TDRD3: variants seen among roughly 807,000 people sequenced by gnomAD.
TDRD3 encodes tudor domain containing 3.
TDRD3 carries 45 observed loss-of-function variants against 86.7 expected under a neutral mutation model. The observed-to-expected ratio is 0.52, with a 90% CI of 0.41 to 0.67. The LOEUF (loss-of-function observed/expected upper bound fraction) is 0.67, where lower values mean the gene tolerates loss of function less well. Among genes scored for constraint, TDRD3 ranks in the 30% least tolerant of loss-of-function variants. The pLI is 0.00. For synonymous variants in TDRD3, 298 were observed against 301.7 expected, an observed-to-expected ratio of 0.99 and a Z score of 0.13; for missense variants, 814 against 889.0, an observed-to-expected ratio of 0.92 and a Z score of 1.07.
intron 10 of TDRD3, among the ~76,000 whole-genome samples, chr13:60,521,228 C>T (rs1002547724): frequency 6.6e-6 from 1 of 152,174 alleles, no homozygotes; most frequent in Non-Finnish European, 1.5e-5. Context: ...TTCAATCTTG[C>T]ACCCTTAGCT....
intron 10 of TDRD3, among the ~76,000 whole-genome samples, chr13:60,522,073 A>C (rs568808704): frequency 7.2e-4 from 110 of 152,254 alleles, no homozygotes; most frequent in African/African-American, 2.5e-3. Flanking sequence ...TAGCATTTTT[A>C]ATATAGAAAA....
At chr13:60,443,949 T>C (rs1955341478) in intron 2 of TDRD3, among the ~76,000 whole-genome samples, 1 of 151,976 alleles carries the variant, frequency 6.6e-6, no homozygotes, top group African/African-American at 2.4e-5. Context: ...CCTTTATATT[T>C]TCACTTTCTA....
At chr13:60,510,861 G>A (rs1357711249) in intron 10 of TDRD3, 106 bp downstream of exon 10, 9 of 1,112,772 alleles carry the variant, frequency 8.1e-6, no homozygotes, top group African/African-American at 1.7e-5. Flanking sequence ...TAGAATTGTA[G>A]TGTAAAACAA....
chr13:60,465,560 G>A (rs1002690326), intron 4 of TDRD3, among the ~76,000 whole-genome samples: 2 of 152,174 alleles, frequency 1.3e-5, no homozygotes, highest in South Asian at 2.1e-4. Flanking sequence ...TATTGAGATA[G>A]CATTGGTGTA....
rs1244295138 is a variant in TDRD3, at chr13:60,460,492, G to T, written c.305G>T (p.Gly102Val). 6.3e-7 allele frequency: 1 copy of T among 1,581,118 alleles called. No individual in the cohort carries two copies. The highest frequency in any genetic ancestry group is 2.3e-5 in the East Asian group (1 of 42,914). The change falls in exon 4 of 14, where the codon GGT (glycine) becomes GTT (valine). Residue 102 changes from glycine (G) to valine (V), a missense_variant. Gly to Val is a moderately radical substitution (Grantham distance 109). Coordinates refer to ENST00000377881, the MANE Select transcript of TDRD3 (RefSeq NM_001146070.2). ...PRMLRLQMTD[G>V]HISCTAVEFS... ...ATGCTGCGATTACAGATGACTGATG[G>T]TCATATAAGTTGCACAGCAGTAGAA...
At chr13:60,414,168 GT>G (rs201194406) in intron 1 of TDRD3, among the ~76,000 whole-genome samples, 46 of 151,190 alleles carry the variant, frequency 3.0e-4, no homozygotes, top group Admixed American at 4.6e-4. Context: ...GACAATGTAC[GT>G]TTTTTTTTAA....
intron 1 of TDRD3, among the ~76,000 whole-genome samples, chr13:60,400,036 C>T (rs1954051013): frequency 6.6e-6 from 1 of 152,146 alleles, no homozygotes; most frequent in Non-Finnish European, 1.5e-5. Context: ...TTTTGTTCTT[C>T]AATGGCCAGT....
chr13:60,562,137 C>T (rs752787384), intron 12 of TDRD3, among the ~76,000 whole-genome samples: 1 of 151,860 alleles, frequency 6.6e-6, no homozygotes, highest in Non-Finnish European at 1.5e-5. Context: ...ATGGTGAAAC[C>T]CCATCTCTAC....
At chr13:60,502,930 T>C (rs554214346) in intron 8 of TDRD3, among the ~76,000 whole-genome samples, 46 of 152,330 alleles carry the variant, frequency 3.0e-4, no homozygotes, top group African/African-American at 1.1e-3. Flanking sequence ...TACTATATTG[T>C]GATAACTTAA....
At chr13:60,567,890 AT>A (rs58242240) in intron 13 of TDRD3, among the ~76,000 whole-genome samples, 7,181 of 132,870 alleles carry the variant, frequency 0.054, 193 homozygotes, top group African/African-American at 0.082. Context: ...TGCCCAGCTG[AT>A]TTTTTTTTTT....
intron 4 of TDRD3, among the ~76,000 whole-genome samples, chr13:60,461,338 C>G (rs1029647184): frequency 3.3e-5 from 5 of 152,078 alleles, no homozygotes; most frequent in African/African-American, 9.7e-5. Flanking sequence ...TTTCCAAACC[C>G]TTTGTTTGGT....
At chr13:60,507,327 A>C (rs1304777436) in intron 8 of TDRD3, among the ~76,000 whole-genome samples, 1 of 152,210 alleles carries the variant, frequency 6.6e-6, no homozygotes, top group East Asian at 1.9e-4. Flanking sequence ...ACTTGAACTC[A>C]GCTCTGGACC....
intron 10 of TDRD3, among the ~76,000 whole-genome samples, chr13:60,522,583 A>G (rs1957312660): frequency 6.6e-6 from 1 of 152,234 alleles, no homozygotes; most frequent in African/African-American, 2.4e-5. Context: ...ACCTAAGGTT[A>G]CAGAACTAGT....
chr13:60,485,583 A>G (rs1595002568), intron 6 of TDRD3, among the ~76,000 whole-genome samples: 1 of 152,110 alleles, frequency 6.6e-6, no homozygotes, highest in African/African-American at 2.4e-5. Flanking sequence ...ACATATTTAT[A>G]TAGCTTTTAA....
rs1957711218 is a variant in TDRD3 at position 60,537,080 on chromosome 13, C to A, written c.2118+1847C>A. 2.0e-5 allele frequency: 3 copies of A among 151,974 alleles called. No individual in the cohort carries two copies. The South Asian group carries it at 6.2e-4, about 31-fold the overall frequency. 9.4% of individuals were successfully genotyped at this position (151,974 alleles called of 1,614,324 possible). ...ATTATGTCATTTATTAACCTATTTT[C>A]TTTCTCTGCAGTCAACTTAGAAATC... On this transcript the variant is annotated intron_variant, in intron 12 of 13. Transcript: ENST00000377881.
chr13:60,420,251 A>T (rs1368844396), intron 1 of TDRD3, among the ~76,000 whole-genome samples: 1 of 152,158 alleles, frequency 6.6e-6, no homozygotes, highest in Non-Finnish European at 1.5e-5. Flanking sequence ...AGTTGATTAT[A>T]TGTTCTAGAT....
chr13:60,457,711 T>G (rs1199691602), intron 3 of TDRD3, among the ~76,000 whole-genome samples: 1 of 152,196 alleles, frequency 6.6e-6, no homozygotes, highest in Non-Finnish European at 1.5e-5. Context: ...AAAATTAAAG[T>G]GTCAGCAGGG....
At chr13:60,473,183 A>T (rs1956107262) in intron 5 of TDRD3, among the ~76,000 whole-genome samples, 3 of 152,196 alleles carry the variant, frequency 2.0e-5, no homozygotes, top group Admixed American at 2.0e-4. Flanking sequence ...AGCATGTGAG[A>T]CAGAGAGAGG....
intron 8 of TDRD3, among the ~76,000 whole-genome samples, chr13:60,509,235 T>C (rs1186106497): frequency 6.6e-6 from 1 of 152,158 alleles, no homozygotes; most frequent in Admixed American, 6.6e-5. Flanking sequence ...GTAGATTTTC[T>C]TATTGGGGTA....
Sources: allele counts gnomAD v4.1 joint callset (sites outside exome capture counted in the v4.1 genomes callset), GRCh38; gene constraint gnomAD v4.1.1; transcripts MANE v1.5; gene names NCBI Gene and HGNC (gene_info 2026-07-23, HGNC 2026-07-21).